The following LAMA4 variants were observed in gnomAD, a reference collection of about 807,000 sequenced individuals.
LAMA4 encodes the protein laminin subunit alpha 4.
Under a neutral mutation model 207.1 loss-of-function variants are expected in LAMA4, and 127 were observed. The ratio of observed to expected loss-of-function variants is 0.61; its 90% CI spans 0.53 to 0.71. The LOEUF (loss-of-function observed/expected upper bound fraction) is 0.71. LAMA4 is among the 30% of genes least tolerant of loss of function. The pLI, the probability that LAMA4 is intolerant of heterozygous loss-of-function variation, is 0.00. For missense variants in LAMA4, 2,093 were observed against 2,246.5 expected (o/e 0.93, Z 1.38); for synonymous variants, 761 against 816.0 (o/e 0.93, Z 1.15).
intron 35 of LAMA4, among the ~76,000 whole-genome samples, chr6:112,116,373 G>A (rs1185635498): frequency 1.3e-5 from 2 of 152,192 alleles, no homozygotes; most frequent in African/African-American, 2.4e-5. Flanking sequence ...TGCTTGGAGA[G>A]CACTGTGAAG....
intron 2 of LAMA4, chr6:112,251,426 T>C (rs1787443545): frequency 6.6e-6 from 1 of 152,260 alleles, no homozygotes; most frequent in African/African-American, 2.4e-5. Context: ...CACTGCTCCA[T>C]GCTTGCCTTA....
intron 28 of LAMA4, among the ~76,000 whole-genome samples, chr6:112,131,665 A>G (rs1583667778): frequency 6.6e-6 from 1 of 152,110 alleles, no homozygotes; most frequent in African/African-American, 2.4e-5. Context: ...AAAATAGACT[A>G]CTTTTTATGG....
At chr6:112,159,142 C>T (rs752789023) in intron 13 of LAMA4, 68 of 447,866 alleles carry the variant, frequency 1.5e-4, no homozygotes, top group Non-Finnish European at 2.6e-4. Context: ...TAAAACTAAA[C>T]TAAAACCTTC....
In LAMA4 at chr6:112,115,830, G is replaced by A. The variant is rs201162588; in HGVS notation, c.5112+33C>T. On this transcript the variant is annotated intron_variant, in intron 36 of 38. Transcript: ENST00000230538. ...TCAGATCTAGAATCCAAGGTCAGAT[G>A]AGACAAATTGTTAAACATTTTTCAG... 1.9e-4 allele frequency: 298 copies of A among 1,605,730 alleles called. 2 individuals carry two copies. The African/African-American group carries it at 3.1e-3, about 17-fold the overall frequency.
Position 112,122,434 on chromosome 6 carries a change from G to A in LAMA4, c.4288-233C>T, listed in dbSNP as rs587687486. 4.6e-5 allele frequency among the ~76,000 whole-genome samples: 7 copies of A among 152,164 alleles called. No homozygotes were observed. In the East Asian group the frequency reaches 9.7e-4, roughly 21 times the overall value. Reference sequence around the variant, plus strand: ...ATGTTAACTAACCCCAAATTCTTCCGCATGGTAGTAAAGCAAAGTTAAACT... The same window carrying A: ...ATGTTAACTAACCCCAAATTCTTCCACATGGTAGTAAAGCAAAGTTAAACT... On this transcript the variant is annotated intron_variant, in intron 31 of 38. Transcript: ENST00000230538.
chr6:112,228,368 A>G (rs1785346576), intron 2 of LAMA4, among the ~76,000 whole-genome samples: 1 of 152,212 alleles, frequency 6.6e-6, no homozygotes, highest in Admixed American at 6.5e-5. Context: ...AGATGGTAGT[A>G]GATGCTTTTG....
intron 6 of LAMA4, among the ~76,000 whole-genome samples, chr6:112,190,592 G>A (rs927832606): frequency 2.0e-5 from 3 of 152,216 alleles, no homozygotes; most frequent in Non-Finnish European, 2.9e-5. Context: ...TTAGAGGAAA[G>A]CAATGTCACC....
chr6:112,251,670 G>C (rs1554189881), intron 2 of LAMA4: 1 of 152,246 alleles, frequency 6.6e-6, no homozygotes, highest in Non-Finnish European at 1.5e-5. Flanking sequence ...TTGGTTTAAG[G>C]TCTGGTTACT....
Position 112,117,941 on chromosome 6 carries a change from A to G in LAMA4, c.4822-43T>C, listed in dbSNP as rs901083569. On this transcript the variant is annotated intron_variant, in intron 34 of 38. Transcript: ENST00000230538. This position sits in a 1 kb window ranked among gnomAD's most constrained non-coding sequence, Gnocchi z 4.5. ...TTCTTAAAATCAATTTTCTCAACAC[A>G]AATGCACCAAGGGGAAGCAAAATGA... The G allele has an allele frequency of 6.3e-7, 1 of 1,578,564 alleles. No homozygotes were observed. The highest frequency in any genetic ancestry group is 8.7e-7 in the Non-Finnish European group (1 of 1,149,540).
At position 112,239,372 on chromosome 6, in the gene LAMA4, A is replaced by G. The variant is rs34551236; in HGVS notation, c.195+14584T>C. On this transcript the variant is annotated intron_variant, in intron 2 of 38. Transcript: ENST00000230538. ...CTGAGTCTGGAGTATTTTTTATGGC[A>G]TTTTTTATTGACCTTAAGCCACTCA... Among the ~76,000 whole-genome samples the G allele has an allele frequency of 2.9e-3, 435 of 150,738 alleles. 2 individuals are homozygous for G. The highest frequency in any genetic ancestry group is 4.7e-3 in the Non-Finnish European group (315 of 67,730).
chr6:112,133,259 G>A, intron 27 of LAMA4, 90 bp downstream of exon 27: 1 of 1,387,438 alleles, frequency 7.2e-7, no homozygotes, highest in Non-Finnish European at 1.0e-6. Flanking sequence ...GTGTACCTAG[G>A]ATCAGAGAGA....
chr6:112,159,732 T>C (rs1454858107), intron 13 of LAMA4, among the ~76,000 whole-genome samples: 2 of 152,188 alleles, frequency 1.3e-5, no homozygotes, highest in Non-Finnish European at 2.9e-5. Context: ...ACTTCTGATG[T>C]CTCCTTTATA....
At chr6:112,116,577 C>T (rs1440437700) in intron 35 of LAMA4, among the ~76,000 whole-genome samples, 1 of 152,160 alleles carries the variant, frequency 6.6e-6, no homozygotes, top group African/African-American at 2.4e-5. Context: ...CAGTGTTGTA[C>T]AGCATTTCAG....
intron 16 of LAMA4, among the ~76,000 whole-genome samples, chr6:112,154,357 C>CAAAAAAAAAAAAAAAAAAAAAAAAAACAA (rs55988988): frequency 8.3e-6 from 1 of 120,272 alleles, no homozygotes; most frequent in Non-Finnish European, 1.8e-5. Context: ...ACACAAACTA[C>CAAAAAAAAAAAAAAAAAAAAAAAAAACAA]AAAAAAAAAA....
chr6:112,233,916 T>G (rs781896669), intron 2 of LAMA4, among the ~76,000 whole-genome samples: 1 of 152,192 alleles, frequency 6.6e-6, no homozygotes, highest in Non-Finnish European at 1.5e-5. Context: ...ACCTTCTGGC[T>G]TACAGTATAC....
At chr6:112,221,968 T>C (rs1784949825) in intron 2 of LAMA4, among the ~76,000 whole-genome samples, 3 of 152,192 alleles carry the variant, frequency 2.0e-5, no homozygotes, top group East Asian at 1.9e-4. Flanking sequence ...AAATAAAATA[T>C]GGAATATCTG....
chr6:112,172,813 A>G lies in LAMA4; in HGVS notation c.1358-9T>C, dbSNP rs1554342427. On this transcript the variant is annotated splice_polypyrimidine_tract_variant and intron_variant, in intron 11 of 38. Transcript: ENST00000230538. Reference sequence around the variant, plus strand: ...CTCAGCCTGGCTCAGTACTGGGAAGAAATGGAGATAAAGGCTCAGTGTGGC... The same window carrying G: ...CTCAGCCTGGCTCAGTACTGGGAAGGAATGGAGATAAAGGCTCAGTGTGGC... 1 of 1,611,610 alleles carries G rather than the reference A, an allele frequency of 6.2e-7. No homozygotes were observed. Among genetic ancestry groups the G allele is most frequent in the Admixed American group, 1.7e-5 (1 of 59,978 alleles).
At chr6:112,227,928 T>C (rs1236786402) in intron 2 of LAMA4, among the ~76,000 whole-genome samples, 4 of 152,212 alleles carry the variant, frequency 2.6e-5, no homozygotes, top group Non-Finnish European at 5.9e-5. Flanking sequence ...AGTTGGGCCT[T>C]ACTATTTAAG....
chr6:112,220,988 C>G (rs1241060699), intron 2 of LAMA4, among the ~76,000 whole-genome samples: 1 of 152,158 alleles, frequency 6.6e-6, no homozygotes, highest in Non-Finnish European at 1.5e-5. Context: ...TCTCAGAGAA[C>G]TTCAGAATTT....
Sources: gnomAD v4.1 joint callset for allele counts (sites outside exome capture counted in the v4.1 genomes callset) on GRCh38, gnomAD v4.1.1 for gene constraint, Gnocchi (gnomAD v3.1) non-coding constraint, MANE v1.5 for transcripts, NCBI Gene and HGNC (gene_info 2026-07-23, HGNC 2026-07-21) for gene names.